Variants in BRD9 observed in about 807,000 individuals in gnomAD.
BRD9 encodes the protein bromodomain-containing protein 9.
A neutral mutation model predicts 68.7 loss-of-function variants in BRD9; 47 were observed. The ratio of observed to expected loss-of-function variants is 0.68; its 90% confidence interval spans 0.54 to 0.87. The LOEUF (loss-of-function observed/expected upper bound fraction) is 0.87, where lower values mean the gene tolerates loss of function less well. BRD9 is among the 40% of genes least tolerant of loss of function. The pLI, the probability that BRD9 is intolerant of heterozygous loss-of-function variation, is 0.00. For synonymous variants in BRD9, 313 were observed against 293.9 expected (o/e 1.06, Z -0.67); for missense variants, 670 against 748.4 (o/e 0.90, Z 1.22).
intron 3 of BRD9, chr5:889,997 C>A: frequency 5.9e-6 from 2 of 341,218 alleles, no homozygotes; most frequent in South Asian, 4.6e-5. Flanking sequence ...CCTGAATTCA[C>A]CGATTATTAT....
chr5:871,843 ATGC>A (rs1428937159), intron 12 of BRD9, among the ~76,000 whole-genome samples: 1 of 152,242 alleles, frequency 6.6e-6, no homozygotes, highest in Non-Finnish European at 1.5e-5. Flanking sequence ...GAGGACGCCG[ATGC>A]TGTTTCGGCA....
chr5:892,007 G>T, intron 1 of BRD9, 153 bp from the exon 2 acceptor site: 1 of 1,269,656 alleles, frequency 7.9e-7, no homozygotes, highest in Non-Finnish European at 1.1e-6. Flanking sequence ...AGACCACAGT[G>T]GCGGCATGTC....
chr5:883,870 CAGA>C (rs958379036), intron 8 of BRD9, 65 bp downstream of exon 8: 7 of 1,572,670 alleles, frequency 4.5e-6, no homozygotes, highest in African/African-American at 2.7e-5. Context: ...AGCACCAACC[CAGA>C]AGGAGAGGCA....
At position 892,499 on chromosome 5, in the gene BRD9, T is replaced by C. The variant is rs866312601; in HGVS notation, c.52+107A>G. 49 of 1,474,678 alleles carry C rather than the reference T, an allele frequency of 3.3e-5. 1 individual carries two copies. In the Middle Eastern group the frequency reaches 6.3e-4, roughly 19 times the overall value. The allele number at this position is 1,474,678 out of a possible 1,614,324, so 91.3% of individuals were successfully genotyped here. A position where few individuals can be genotyped will look rare whatever the true frequency, so the allele number is the denominator to read the frequency against. On this transcript the variant is annotated intron_variant, in intron 1 of 15. Transcript: ENST00000467963. ...CCGCGTGCCCAGAACCCCTCCCTCG[T>C]GGCCAGGACCTCGCCCGGTGCCCAG...
chr5:876,840 A>C (rs1751015023), intron 11 of BRD9, among the ~76,000 whole-genome samples: 1 of 152,242 alleles, frequency 6.6e-6, no homozygotes. Context: ...CCACGGTCAC[A>C]GGAGGCAACA....
chr5:870,360 A>G, intron 14 of BRD9, 113 bp downstream of exon 14: 2 of 804,952 alleles, frequency 2.5e-6, no homozygotes, highest in South Asian at 3.2e-5. Context: ...GTAACAAAAG[A>G]TTTTCCTGGC....
Position 881,361 on chromosome 5 carries a change from G to T in BRD9, c.967-179C>A. ...AGACTCACCGGCAACAGCAGAGCGC[G>T]CACAGGTGCCAAGGAGAACCTCTTA... On this transcript the variant is annotated intron_variant, in intron 8 of 15. Transcript: ENST00000467963. 1.1e-5 allele frequency: 7 copies of T among 637,146 alleles called. No individual in the cohort carries two copies. The South Asian group carries it at 1.3e-4, about 12-fold the overall frequency. The allele number at this position is 637,146 out of a possible 1,614,324, so 39.5% of individuals were successfully genotyped here.
rs1753460373 is a variant in BRD9, at chr5:891,848, G to A, written c.59C>T (p.Ala20Val). 1.3e-6 allele frequency: 2 copies of A among 1,550,532 alleles called. No homozygotes were observed. The highest frequency in any genetic ancestry group is 1.7e-6 in the Non-Finnish European group (2 of 1,146,874). Residue 20 changes from alanine (A) to valine (V), a missense_variant, in exon 2 of 16, where the codon GCC becomes GTC. Ala to Val is a moderately conservative substitution (Grantham distance 64). This residue lies in a region of BRD9 where 161 missense variants were observed against 148.1 expected (regional missense o/e 1.09). Coordinates refer to ENST00000467963, the MANE Select transcript of BRD9 (RefSeq NM_023924.5). ...TAGAGGCTTCTCCAGGGGCTTGTCG[G>A]CATAATCTGCACAGACACAGACCGA... ...AEWRSSYEDY[A>V]DKPLEKPLKL...
At chr5:869,364 T>C (rs1360102045) in intron 14 of BRD9, 3 of 456,252 alleles carry the variant, frequency 6.6e-6, no homozygotes, top group Non-Finnish European at 1.3e-5. Flanking sequence ...GATCCGACTT[T>C]AGTACAGCAT....
At chr5:886,819 G>C in intron 6 of BRD9, 112 bp from the exon 7 acceptor site, 1 of 1,568,404 alleles carries the variant, frequency 6.4e-7, no homozygotes, top group Non-Finnish European at 8.7e-7. Context: ...CTCACAGCCA[G>C]GGTGCCGTGA....
intron 7 of BRD9, among the ~76,000 whole-genome samples, chr5:885,935 CCAT>C (rs1454684295): frequency 2.0e-5 from 3 of 152,294 alleles, no homozygotes; most frequent in African/African-American, 7.2e-5. Flanking sequence ...TGCTCAGCCA[CCAT>C]GAGACAAAGA....
At chr5:886,830 C>T (rs1721963641) in intron 6 of BRD9, 123 bp from the exon 7 acceptor site, 10 of 1,529,336 alleles carry the variant, frequency 6.5e-6, no homozygotes, top group South Asian at 3.6e-5. Context: ...GGTGCCGTGA[C>T]GATGGGATGG....
intron 1 of BRD9, 75 bp from the exon 2 acceptor site, chr5:891,929 G>C: frequency 6.5e-7 from 1 of 1,531,046 alleles, no homozygotes. Flanking sequence ...ACGTGAAGGT[G>C]CTAAGAGGGA....
intron 11 of BRD9, among the ~76,000 whole-genome samples, chr5:876,805 G>A (rs1579947001): frequency 6.6e-6 from 1 of 152,234 alleles, no homozygotes; most frequent in African/African-American, 2.4e-5. Flanking sequence ...AGAGGAACAA[G>A]GATGGCTGCT....
At chr5:874,954 C>T (rs1286368454) in intron 12 of BRD9, among the ~76,000 whole-genome samples, 1 of 152,218 alleles carries the variant, frequency 6.6e-6, no homozygotes, top group African/African-American at 2.4e-5. Context: ...TGGAAAATGA[C>T]ATTTGAGTAA....
rs896500508 is a variant in BRD9 at position 891,257 on chromosome 5, G to A, written c.298C>T (p.His100Tyr). The change falls in exon 3 of 16, where the codon CAC becomes TAC. Residue 100 changes from histidine to tyrosine, a missense_variant. His to Tyr is a moderately conservative substitution (Grantham distance 83, BLOSUM62 2). Around this residue, in one of 5 missense-constraint regions of BRD9, gnomAD observed 161 missense variants for 148.1 expected, o/e 1.09. Coordinates refer to ENST00000467963, the MANE Select transcript of BRD9 (RefSeq NM_023924.5). Reference sequence around the variant, plus strand: ...TCAGCCTCTCCCTCCGTGTCACAGTGCTCCCTCTCTCGCTTCCGCTTCTTC... The same window carrying A: ...TCAGCCTCTCCCTCCGTGTCACAGTACTCCCTCTCTCGCTTCCGCTTCTTC... ...EEKKRKREREHCDTEGEADDF... is the reference protein window; with the variant it reads ...EEKKRKREREYCDTEGEADDF... The A allele has an allele frequency of 1.3e-5, 20 of 1,551,658 alleles. No homozygotes were observed. The highest frequency in any genetic ancestry group is 4.1e-5 in the African/African-American group (3 of 73,038).
chr5:872,734 C>T (rs1750331896), intron 12 of BRD9, among the ~76,000 whole-genome samples: 1 of 152,198 alleles, frequency 6.6e-6, no homozygotes, highest in South Asian at 2.1e-4. Flanking sequence ...TCTTGAGTTC[C>T]TTCAAGGGAA....
chr5:892,579 G>A, intron 1 of BRD9, 27 bp downstream of exon 1: 3 of 1,533,472 alleles, frequency 2.0e-6, no homozygotes, highest in South Asian at 1.2e-5. Flanking sequence ...CCCGCCCGCC[G>A]CGCGTCACAA....
chr5:870,706 C>G lies in BRD9; in HGVS notation c.1423-131G>C, dbSNP rs1224290620. 3.6e-5 allele frequency: 23 copies of G among 642,860 alleles called. No individual in the cohort carries two copies. In the Admixed American group the frequency reaches 5.6e-4, roughly 16 times the overall value. 39.8% of individuals were successfully genotyped at this position (642,860 alleles called of 1,614,324 possible). ...ACCCACCCCTCAGTAAGTGACAAGA[C>G]CAAGCCCTGTTCACTGAGGCTGCTG... On this transcript the variant is annotated intron_variant, in intron 13 of 15. Coordinates refer to ENST00000467963, the MANE Select transcript of BRD9 (RefSeq NM_023924.5).
Sources: gnomAD v4.1 joint callset for allele counts (sites outside exome capture counted in the v4.1 genomes callset) on GRCh38, gnomAD v4.1.1 for gene constraint, gnomAD v4.1.1 regional missense constraint, MANE v1.5 for transcripts, NCBI Gene and HGNC (gene_info 2026-07-23, HGNC 2026-07-21) for gene names.